The following ASPRV1 variants were observed in gnomAD, a reference collection of about 807,000 sequenced individuals.
ASPRV1 encodes retroviral-like aspartic protease 1.
In ASPRV1, 7 loss-of-function variants were observed where a neutral mutation model predicts 11.0. That is an observed-to-expected ratio of 0.64 (90% confidence interval 0.36 to 1.20). The LOEUF (loss-of-function observed/expected upper bound fraction) is 1.20, where lower values mean the gene tolerates loss of function less well. Ranked by LOEUF, ASPRV1 falls within the 50% of genes most tolerant of loss-of-function variation. ASPRV1 has a pLI of 0.02. For missense variants in ASPRV1, 299 were observed against 320.0 expected, an observed-to-expected ratio of 0.93 and a Z score of 0.50; for synonymous variants, 136 against 138.4, an observed-to-expected ratio of 0.98 and a Z score of 0.12.
downstream of ASPRV1, among the ~76,000 whole-genome samples, chr2:69,956,773 G>C (rs888798302): frequency 6.6e-6 from 1 of 152,132 alleles, no homozygotes; most frequent in Non-Finnish European, 1.5e-5. Context: ...TTGACCAAGT[G>C]ATGAAACAAG....
At chr2:70,012,646 CTT>C in the ASPRV1 span, among the ~76,000 whole-genome samples, 42 of 152,086 alleles carry the variant, frequency 2.8e-4, no homozygotes, top group African/African-American at 8.2e-4. Context: ...GAAAGGCAAA[CTT>C]AATGTAAAAA....
Position 69,961,067 on chromosome 2 carries a change from T to C in ASPRV1, c.370A>G (p.Arg124Gly). 6.2e-7 allele frequency: 1 copy of C among 1,613,660 alleles called. No individual in the cohort carries two copies. The highest frequency in any genetic ancestry group is 1.3e-5 in the African/African-American group (1 of 74,892). The stretch of plus-strand genomic sequence containing the variant: ...TGGGCCCCAGAGTCCACCAGGAACC[T>C]CACGGGCACTTTGCCAATCTTCCCC... ...LKGKIGKVPVRFLVDSGAQVS... is the reference protein window; with the variant it reads ...LKGKIGKVPVGFLVDSGAQVS... Residue 124 changes from arginine to glycine, a missense_variant, in exon 1 of 1, where the codon AGG (arginine) becomes GGG (glycine). By Grantham distance (125) the Arg-to-Gly change is moderately radical. Coordinates refer to ENST00000320256, the MANE Select transcript of ASPRV1 (RefSeq NM_152792.4).
the ASPRV1 span, among the ~76,000 whole-genome samples, chr2:70,005,850 C>G: frequency 6.6e-6 from 1 of 152,216 alleles, no homozygotes; most frequent in Non-Finnish European, 1.5e-5. Context: ...AATACACCTT[C>G]AAGCCACTTC....
At chr2:70,009,473 G>C in the ASPRV1 span, among the ~76,000 whole-genome samples, 1 of 152,088 alleles carries the variant, frequency 6.6e-6, no homozygotes, top group Non-Finnish European at 1.5e-5. Flanking sequence ...GGGATTACAG[G>C]CATGCACCAC....
At chr2:69,947,628 C>T in the ASPRV1 span, among the ~76,000 whole-genome samples, 1 of 152,114 alleles carries the variant, frequency 6.6e-6, no homozygotes, top group Non-Finnish European at 1.5e-5. Flanking sequence ...CAAGAGGATA[C>T]TGCCATGCGG....
At chr2:70,000,967 T>C in the ASPRV1 span, among the ~76,000 whole-genome samples, 1 of 151,998 alleles carries the variant, frequency 6.6e-6, no homozygotes, top group Non-Finnish European at 1.5e-5. Flanking sequence ...ATACTATTTG[T>C]TTTTGCTTAT....
the ASPRV1 span, among the ~76,000 whole-genome samples, chr2:69,997,737 T>C: frequency 6.6e-6 from 1 of 152,164 alleles, no homozygotes; most frequent in East Asian, 1.9e-4. Context: ...GGGGAGGCAT[T>C]TAAAATCTAG....
chr2:69,935,307 C>T, the ASPRV1 span: 2 of 1,426,044 alleles, frequency 1.4e-6, no homozygotes, highest in East Asian at 2.3e-5. Context: ...TGCTTCTGGC[C>T]CACTGTGAAA....
chr2:70,004,138 C>T, the ASPRV1 span, among the ~76,000 whole-genome samples: 1 of 152,104 alleles, frequency 6.6e-6, no homozygotes, highest in South Asian at 2.1e-4. Context: ...GCCAAGGCTC[C>T]AATTCTTGGA....
chr2:69,956,645 T>C (rs534556518), downstream of ASPRV1, among the ~76,000 whole-genome samples: 4 of 152,228 alleles, frequency 2.6e-5, no homozygotes, highest in South Asian at 8.3e-4. Flanking sequence ...AGGCTAGTGG[T>C]GACAGTCTTA....
At chr2:69,937,296 G>A in the ASPRV1 span, 25 of 1,614,216 alleles carry the variant, frequency 1.5e-5, no homozygotes, top group Middle Eastern at 1.6e-4. Flanking sequence ...CGAGAGCAGC[G>A]ACACCTGAAG....
At chr2:69,968,099 A>T in the ASPRV1 span, among the ~76,000 whole-genome samples, 1 of 152,122 alleles carries the variant, frequency 6.6e-6, no homozygotes, top group African/African-American at 2.4e-5. Context: ...TAAAAAATAA[A>T]AATAATTTCC....
chr2:69,974,667 T>C, the ASPRV1 span, among the ~76,000 whole-genome samples: 2 of 152,216 alleles, frequency 1.3e-5, no homozygotes, highest in Non-Finnish European at 2.9e-5. Flanking sequence ...TTCTCTCCAG[T>C]CTGCTCCTCT....
the ASPRV1 span, among the ~76,000 whole-genome samples, chr2:69,945,227 A>G: frequency 1.3e-5 from 2 of 151,510 alleles, no homozygotes; most frequent in Non-Finnish European, 2.9e-5. Flanking sequence ...CGACAGAGAG[A>G]GACCCTGTCT....
At chr2:69,961,651 G>A (rs1316020093), upstream of ASPRV1, 1 of 1,574,154 alleles carries the variant, frequency 6.4e-7, no homozygotes, top group Non-Finnish European at 8.6e-7. Context: ...ACTCTGCAGA[G>A]CCTTTTTGAT....
At chr2:70,035,951 T>C in the ASPRV1 span, among the ~76,000 whole-genome samples, 4 of 151,808 alleles carry the variant, frequency 2.6e-5, no homozygotes, top group Admixed American at 2.6e-4. Context: ...CTTTCATGCT[T>C]TTACTGTATT....
the ASPRV1 span, among the ~76,000 whole-genome samples, chr2:70,036,851 C>T: frequency 6.6e-5 from 10 of 151,968 alleles, no homozygotes; most frequent in African/African-American, 2.4e-4. Context: ...TTTTTAAATG[C>T]TGTTGTGGCT....
At chr2:70,082,123 C>T in the ASPRV1 span, among the ~76,000 whole-genome samples, 1 of 151,734 alleles carries the variant, frequency 6.6e-6, no homozygotes, top group Admixed American at 6.6e-5. Context: ...TACAGGCACG[C>T]ACCATCACGC....
the ASPRV1 span, among the ~76,000 whole-genome samples, chr2:70,001,179 TTAAAG>T: frequency 2.6e-4 from 39 of 151,942 alleles, no homozygotes; most frequent in Middle Eastern, 3.4e-3. Flanking sequence ...AAAAAAAAAA[TTAAAG>T]TATTGAGATA....
Sources: allele counts gnomAD v4.1 joint callset (sites outside exome capture counted in the v4.1 genomes callset), GRCh38; gene constraint gnomAD v4.1.1; transcripts MANE v1.5; gene names NCBI Gene and HGNC (gene_info 2026-07-23, HGNC 2026-07-21).